CNTN5: variants seen among roughly 807,000 people sequenced by gnomAD.
The protein encoded by CNTN5 is contactin 5, also known as contactin-5.
Under a neutral mutation model 129.1 loss-of-function variants are expected in CNTN5, and 77 were observed. That is an observed-to-expected ratio of 0.60 (90% confidence interval 0.50 to 0.72). The LOEUF is 0.72. Ranked by LOEUF, CNTN5 falls within the 30% of genes least tolerant of loss-of-function variation. The pLI, the probability that CNTN5 is intolerant of heterozygous loss-of-function variation, is 0.00. For synonymous variants in CNTN5, 509 were observed against 465.6 expected (o/e 1.09, Z -1.20); for missense variants, 1,478 against 1,328.8 (o/e 1.11, Z -1.75).
chr11:99,119,183 A>G (rs957517406), intron 1 of CNTN5, among the ~76,000 whole-genome samples: 1 of 152,182 alleles, frequency 6.6e-6, no homozygotes, highest in Non-Finnish European at 1.5e-5. Flanking sequence ...ACATGTGCAG[A>G]GTGTTATATA....
At chr11:99,467,407 C>T (rs1944987686) in intron 2 of CNTN5, among the ~76,000 whole-genome samples, 1 of 152,104 alleles carries the variant, frequency 6.6e-6, no homozygotes, top group South Asian at 2.1e-4. Flanking sequence ...AACTTTTCTC[C>T]TATGGTGCTA....
chr11:99,629,151 G>A (rs1462827776), intron 3 of CNTN5, among the ~76,000 whole-genome samples: 1 of 151,996 alleles, frequency 6.6e-6, no homozygotes, highest in South Asian at 2.1e-4. Context: ...GCTTATTACT[G>A]TTAGCATAGT....
chr11:99,563,377 A>G (rs1413037128), intron 3 of CNTN5, among the ~76,000 whole-genome samples: 1 of 152,156 alleles, frequency 6.6e-6, no homozygotes, highest in Admixed American at 6.6e-5. Flanking sequence ...AATGGTAGAG[A>G]GCTTGGAAAA....
intron 2 of CNTN5, among the ~76,000 whole-genome samples, chr11:99,389,880 G>A (rs1214427549): frequency 6.6e-6 from 1 of 152,032 alleles, no homozygotes; most frequent in African/African-American, 2.4e-5. Flanking sequence ...ACCAGAATTG[G>A]CCTTTCCTTT....
chr11:99,763,126 A>G (rs186855679), intron 3 of CNTN5, among the ~76,000 whole-genome samples: 1 of 116,006 alleles, frequency 8.6e-6, no homozygotes, highest in East Asian at 2.1e-4. Flanking sequence ...CATATACTTT[A>G]CTGTATCAAC....
chr11:99,067,277 A>G (rs1865139208), intron 1 of CNTN5, among the ~76,000 whole-genome samples: 1 of 152,196 alleles, frequency 6.6e-6, no homozygotes, highest in African/African-American at 2.4e-5. Context: ...TGGCAATATT[A>G]TCATGGTAAC....
chr11:100,351,007 C>T (rs1422453946), intron 24 of CNTN5, 137 bp downstream of exon 24: 4 of 614,724 alleles, frequency 6.5e-6, no homozygotes, highest in Non-Finnish European at 1.1e-5. Flanking sequence ...TTTATATTAT[C>T]TTCTGATTAA....
In CNTN5 at chr11:99,526,773, G is replaced by A. The variant is rs557036040; in HGVS notation, c.-70-29372G>A. Among the ~76,000 whole-genome samples, 35 of 152,270 alleles carry A rather than the reference G, an allele frequency of 2.3e-4. 2 individuals carry two copies. In the East Asian group the frequency reaches 6.8e-3, roughly 29 times the overall value. On this transcript the variant is annotated intron_variant, in intron 2 of 24. Transcript: ENST00000524871. ...CAACAGATACCTACATATTCATTAT[G>A]TGTACATTTGTTTTCATTTGAGAGT...
chr11:99,509,055 A>T (rs981986152), intron 2 of CNTN5, among the ~76,000 whole-genome samples: 1 of 152,214 alleles, frequency 6.6e-6, no homozygotes, highest in Non-Finnish European at 1.5e-5. Context: ...TAATTTTAAA[A>T]AGATACAACA....
At chr11:100,181,207 G>A (rs544610806) in intron 13 of CNTN5, among the ~76,000 whole-genome samples, 1 of 152,048 alleles carries the variant, frequency 6.6e-6, no homozygotes, top group East Asian at 1.9e-4. Flanking sequence ...CCATAGCATG[G>A]ATCACTACTT....
chr11:99,408,446 AAG>A (rs373992384), intron 2 of CNTN5, among the ~76,000 whole-genome samples: 1,270 of 18,520 alleles, frequency 0.069, 29 homozygotes, highest in African/African-American at 0.14. Flanking sequence ...GAAAGAAAGA[AAG>A]AGAAAGAAAG....
chr11:99,687,897 G>A (rs1001185407), intron 3 of CNTN5, among the ~76,000 whole-genome samples: 1 of 151,932 alleles, frequency 6.6e-6, no homozygotes, highest in African/African-American at 2.4e-5. Context: ...GTCTTTTTTT[G>A]CATCAATTCT....
At chr11:99,633,414 G>A (rs189519663) in intron 3 of CNTN5, among the ~76,000 whole-genome samples, 57 of 152,282 alleles carry the variant, frequency 3.7e-4, no homozygotes, top group African/African-American at 1.3e-3. Context: ...CTAATAAAGA[G>A]CAAGGCTCTA....
At chr11:99,408,820 G>C (rs1942255378) in intron 2 of CNTN5, among the ~76,000 whole-genome samples, 1 of 152,164 alleles carries the variant, frequency 6.6e-6, no homozygotes, top group African/African-American at 2.4e-5. Context: ...AAAATATACT[G>C]TGTAGTTTTA....
intron 1 of CNTN5, among the ~76,000 whole-genome samples, chr11:99,322,463 A>G (rs1045511157): frequency 2.6e-5 from 4 of 152,184 alleles, no homozygotes; most frequent in African/African-American, 9.7e-5. Context: ...ACATGAATAG[A>G]AGCTCTTCAG....
intron 3 of CNTN5, among the ~76,000 whole-genome samples, chr11:99,671,884 G>A (rs996872342): frequency 3.3e-5 from 5 of 152,046 alleles, no homozygotes; most frequent in African/African-American, 1.2e-4. Flanking sequence ...GTGTGCGCAC[G>A]CATACATAAT....
chr11:99,919,308 G>A (rs1949875685), intron 7 of CNTN5, among the ~76,000 whole-genome samples: 2 of 151,766 alleles, frequency 1.3e-5, no homozygotes, highest in Admixed American at 1.3e-4. Context: ...TGTTTCAGCA[G>A]TACCCCTTCT....
chr11:99,278,476 C>T (rs1863549432), intron 1 of CNTN5, among the ~76,000 whole-genome samples: 1 of 151,594 alleles, frequency 6.6e-6, no homozygotes, highest in East Asian at 1.9e-4. Flanking sequence ...AAAACCATTT[C>T]AAAATTTTTT....
chr11:100,023,416 T>A (rs552880247), intron 9 of CNTN5, among the ~76,000 whole-genome samples: 1 of 152,306 alleles, frequency 6.6e-6, no homozygotes, highest in Non-Finnish European at 1.5e-5. Context: ...TCCTATATCC[T>A]GTCTGCCCCT....
Sources: allele counts gnomAD v4.1 joint callset (sites outside exome capture counted in the v4.1 genomes callset), GRCh38; gene constraint gnomAD v4.1.1; transcripts MANE v1.5; gene names NCBI Gene and HGNC (gene_info 2026-07-23, HGNC 2026-07-21).